MBOAT1: variants seen among roughly 807,000 people sequenced by gnomAD.
MBOAT1 encodes membrane-bound glycerophospholipid O-acyltransferase 1.
MBOAT1 carries 67 observed loss-of-function variants against 64.4 expected under a neutral mutation model. The ratio of observed to expected loss-of-function variants is 1.04; its 90% CI spans 0.85 to 1.27. MBOAT1 has a LOEUF of 1.27. Ranked by LOEUF, MBOAT1 falls within the 50% of genes most tolerant of loss-of-function variation. MBOAT1 has a pLI of 0.00. For synonymous variants in MBOAT1, 229 were observed against 218.9 expected (o/e 1.05, Z -0.41); for missense variants, 563 against 604.6 (o/e 0.93, Z 0.72).
intron 1 of MBOAT1, among the ~76,000 whole-genome samples, chr6:20,208,940 T>C (rs2113780678): frequency 6.6e-6 from 1 of 152,336 alleles, no homozygotes; most frequent in Non-Finnish European, 1.5e-5. Flanking sequence ...CATTATCATA[T>C]CTGTTTTGGC....
At chr6:20,187,635 G>A (rs578162677) in intron 1 of MBOAT1, among the ~76,000 whole-genome samples, 205 of 152,242 alleles carry the variant, frequency 1.3e-3, no homozygotes, top group Non-Finnish European at 2.3e-3. Flanking sequence ...ACATCACTAA[G>A]TGGTAGACCC....
intron 12 of MBOAT1, among the ~76,000 whole-genome samples, chr6:20,106,744 A>G (rs1759971200): frequency 6.6e-6 from 1 of 152,196 alleles, no homozygotes; most frequent in South Asian, 2.1e-4. Flanking sequence ...TCTATTGGAC[A>G]GAGCTGATCT....
chr6:20,161,841 T>C (rs1761872749), intron 1 of MBOAT1, among the ~76,000 whole-genome samples: 1 of 152,122 alleles, frequency 6.6e-6, no homozygotes, highest in African/African-American at 2.4e-5. Context: ...CTGTATTCAT[T>C]TTCTAGGGCT....
In MBOAT1 at chr6:20,158,304, A is replaced by G. The variant is rs1761756469; in HGVS notation, c.100-5535T>C. On this transcript the variant is annotated intron_variant, in intron 1 of 12. Coordinates refer to ENST00000324607, the MANE Select transcript of MBOAT1 (RefSeq NM_001080480.3). Reference sequence around the variant, plus strand: ...ATGTCCATTGATTTTTGACAAAGGTATGAAGAACACCCAATGTGAAGAGGA... The same window carrying G: ...ATGTCCATTGATTTTTGACAAAGGTGTGAAGAACACCCAATGTGAAGAGGA... Among the ~76,000 whole-genome samples, 2 of 152,218 alleles carry G rather than the reference A, an allele frequency of 1.3e-5. 1 individual carries two copies. The highest frequency in any genetic ancestry group is 2.9e-5 in the Non-Finnish European group (2 of 68,046).
In MBOAT1 at chr6:20,111,850, A is replaced by G. The variant is rs1395074137; in HGVS notation, c.1209+1026T>C. Among the ~76,000 whole-genome samples the G allele has an allele frequency of 1.1e-4, 10 of 93,374 alleles. 1 individual carries two copies. Among genetic ancestry groups the G allele is most frequent in the African/African-American group, 4.0e-4 (10 of 24,758 alleles). 61.3% of individuals were successfully genotyped at this position (93,374 alleles called of 152,430 possible). The stretch of plus-strand genomic sequence containing the variant: ...CATATATATACACATATATATACAT[A>G]TATATATACATATATATACATATAT... On this transcript the variant is annotated intron_variant, in intron 11 of 12. Transcript: ENST00000324607.
chr6:20,099,991 T>C lies in MBOAT1; in HGVS notation c.*2295A>G, dbSNP rs2235142. Reference sequence around the variant, plus strand: ...CACCAAGTCTGACATATAGCATCCATAAGCTCAACTCCTAGAGGTTTGACT... The same window carrying C: ...CACCAAGTCTGACATATAGCATCCACAAGCTCAACTCCTAGAGGTTTGACT... On this transcript the variant is annotated 3_prime_UTR_variant, in exon 13 of 13. Transcript: ENST00000324607. 0.083 allele frequency among the ~76,000 whole-genome samples: 12,708 copies of C among 152,264 alleles called. 615 individuals carry two copies. The highest frequency in any genetic ancestry group is 0.12 in the South Asian group (586 of 4,814).
chr6:20,153,492 T>C (rs1003983628), intron 1 of MBOAT1, among the ~76,000 whole-genome samples: 2 of 152,192 alleles, frequency 1.3e-5, no homozygotes, highest in African/African-American at 4.8e-5. Context: ...GAAATCAAAT[T>C]GTTCTCCAAA....
intron 1 of MBOAT1, among the ~76,000 whole-genome samples, chr6:20,184,743 C>G (rs371588431): frequency 9.2e-5 from 14 of 152,178 alleles, no homozygotes; most frequent in East Asian, 5.8e-4. Context: ...ATCTCTCCCC[C>G]TTTTAGGAAA....
At chr6:20,185,069 G>T (rs1267543314) in intron 1 of MBOAT1, among the ~76,000 whole-genome samples, 1 of 152,044 alleles carries the variant, frequency 6.6e-6, no homozygotes, top group Non-Finnish European at 1.5e-5. Flanking sequence ...GGGTAGCATA[G>T]TGAGACCCCA....
At chr6:20,111,162 A>C (rs1222739849) in intron 11 of MBOAT1, among the ~76,000 whole-genome samples, 1 of 152,224 alleles carries the variant, frequency 6.6e-6, no homozygotes. Context: ...TCCTTTGTAG[A>C]TCTTGTGGCA....
chr6:20,199,653 G>A (rs747822778), intron 1 of MBOAT1, among the ~76,000 whole-genome samples: 1 of 152,154 alleles, frequency 6.6e-6, no homozygotes, highest in South Asian at 2.1e-4. Context: ...CTGTATAAAT[G>A]TTCATTTGCC....
chr6:20,110,169 A>G (rs1760093917), intron 11 of MBOAT1, among the ~76,000 whole-genome samples: 2 of 151,048 alleles, frequency 1.3e-5, no homozygotes, highest in South Asian at 4.2e-4. Context: ...TTGGCCGCCC[A>G]AAGTGCTGGG....
chr6:20,118,675 T>C, intron 8 of MBOAT1, 135 bp from the exon 9 acceptor site: 2 of 645,024 alleles, frequency 3.1e-6, no homozygotes, highest in East Asian at 2.8e-5. Context: ...CCCCAAAATG[T>C]AAAGGACCTG....
chr6:20,174,038 T>A (rs1762273825), intron 1 of MBOAT1, among the ~76,000 whole-genome samples: 1 of 152,174 alleles, frequency 6.6e-6, no homozygotes, highest in African/African-American at 2.4e-5. Flanking sequence ...GTGGTAACAG[T>A]TGGTTCCTCA....
chr6:20,182,175 T>C (rs1762528556), intron 1 of MBOAT1, among the ~76,000 whole-genome samples: 4 of 152,164 alleles, frequency 2.6e-5, no homozygotes. Context: ...TTAGACTAGG[T>C]AATTTGTAAA....
In MBOAT1 at chr6:20,123,853, G is replaced by A. The variant is rs146633800; in HGVS notation, c.907+555C>T. Among the ~76,000 whole-genome samples the A allele has an allele frequency of 2.9e-3, 438 of 152,228 alleles. 4 individuals carry two copies. Among genetic ancestry groups the A allele is most frequent in the African/African-American group, 9.6e-3 (397 of 41,536 alleles). On this transcript the variant is annotated intron_variant, in intron 8 of 12. Coordinates refer to ENST00000324607, the MANE Select transcript of MBOAT1 (RefSeq NM_001080480.3). The stretch of plus-strand genomic sequence containing the variant: ...GGGCAGATCACGACGTCAGGAGATC[G>A]AGACCATCCTGGCTAACACTGTGAA...
At chr6:20,107,233 C>T (rs796501445) in intron 12 of MBOAT1, among the ~76,000 whole-genome samples, 1 of 152,308 alleles carries the variant, frequency 6.6e-6, no homozygotes, top group African/African-American at 2.4e-5. Flanking sequence ...CCGCTCTCCT[C>T]AGCTCACCTC....
At chr6:20,159,847 T>C (rs1761799053) in intron 1 of MBOAT1, among the ~76,000 whole-genome samples, 1 of 152,206 alleles carries the variant, frequency 6.6e-6, no homozygotes. Context: ...ACCCTTCACA[T>C]TTAAAAGGAA....
intron 2 of MBOAT1, among the ~76,000 whole-genome samples, chr6:20,151,788 C>T (rs994060245): frequency 6.6e-6 from 1 of 152,188 alleles, no homozygotes; most frequent in African/African-American, 2.4e-5. Context: ...CCAGCTTACT[C>T]GTAGAGGAAA....
Sources: allele counts gnomAD v4.1 joint callset (sites outside exome capture counted in the v4.1 genomes callset), GRCh38; gene constraint gnomAD v4.1.1; transcripts MANE v1.5; gene names NCBI Gene and HGNC (gene_info 2026-07-23, HGNC 2026-07-21).